Variants in DOK6 observed in about 807,000 individuals in gnomAD.
DOK6 encodes the protein docking protein 6, also known as downstream of tyrosine kinase 6.
Under a neutral mutation model 44.0 loss-of-function variants are expected in DOK6, and 22 were observed. That is an observed-to-expected ratio of 0.50 (90% CI 0.36 to 0.71). The LOEUF is 0.71. Among genes scored for constraint, DOK6 ranks in the 30% least tolerant of loss-of-function variants. The pLI is 0.00. For missense variants in DOK6, 340 were observed against 416.4 expected (o/e 0.82, Z 1.60); for synonymous variants, 166 against 145.5 (o/e 1.14, Z -1.01).
At chr18:69,768,954 C>CGCGTGTGTGTGTGTGTGTGT (rs1491210858) in intron 7 of DOK6, among the ~76,000 whole-genome samples, 4 of 142,590 alleles carry the variant, frequency 2.8e-5, no homozygotes, top group Non-Finnish European at 6.1e-5. Context: ...GAAGGGTGTG[C>CGCGTGTGTGTGTGTGTGTGT]GTGTGTGTGT....
chr18:69,728,066 G>A (rs946383043), intron 5 of DOK6, among the ~76,000 whole-genome samples: 3 of 152,128 alleles, frequency 2.0e-5, no homozygotes, highest in African/African-American at 4.8e-5. Flanking sequence ...GCAGGGATGC[G>A]CTGTCACGCT....
chr18:69,485,277 T>C (rs1980542546), intron 1 of DOK6, among the ~76,000 whole-genome samples: 1 of 152,088 alleles, frequency 6.6e-6, no homozygotes, highest in Non-Finnish European at 1.5e-5. Flanking sequence ...TGCTAGAAAT[T>C]TGTCGTGATT....
intron 4 of DOK6, among the ~76,000 whole-genome samples, chr18:69,681,579 T>C (rs1986046300): frequency 6.6e-6 from 1 of 151,886 alleles, no homozygotes; most frequent in Admixed American, 6.6e-5. Flanking sequence ...CAGAGGAAAA[T>C]GTGTTCTGAT....
intron 5 of DOK6, among the ~76,000 whole-genome samples, chr18:69,718,267 G>GGA (rs796617352): frequency 2.6e-5 from 4 of 152,152 alleles, no homozygotes; most frequent in African/African-American, 9.7e-5. Context: ...CTCTCTCACA[G>GGA]GAGAGAGAGC....
intron 3 of DOK6, among the ~76,000 whole-genome samples, chr18:69,599,837 G>T (rs1361934994): frequency 6.6e-6 from 1 of 152,160 alleles, no homozygotes; most frequent in East Asian, 1.9e-4. Flanking sequence ...ATTTTGTAGG[G>T]CAGGAATCAG....
At chr18:69,420,633 C>T (rs1978464562) in intron 1 of DOK6, among the ~76,000 whole-genome samples, 1 of 151,994 alleles carries the variant, frequency 6.6e-6, no homozygotes, top group African/African-American at 2.4e-5. Flanking sequence ...TAATGCTATC[C>T]CTCATTTTAT....
chr18:69,665,724 C>T (rs1177330251), intron 3 of DOK6, among the ~76,000 whole-genome samples: 1 of 152,026 alleles, frequency 6.6e-6, no homozygotes, highest in Non-Finnish European at 1.5e-5. Context: ...GGCAGTTTAA[C>T]TCTTTAAAAC....
intron 3 of DOK6, among the ~76,000 whole-genome samples, chr18:69,669,770 G>A (rs773597768): frequency 5.9e-5 from 9 of 151,822 alleles, no homozygotes; most frequent in African/African-American, 9.7e-5. Context: ...TTAATAATCC[G>A]GAAATTCCTA....
intron 1 of DOK6, among the ~76,000 whole-genome samples, chr18:69,459,187 T>TG (rs1979718642): frequency 2.2e-4 from 30 of 136,972 alleles, no homozygotes; most frequent in South Asian, 4.9e-4. Flanking sequence ...AAAAAATATT[T>TG]TGTGTGTGTG....
intron 1 of DOK6, among the ~76,000 whole-genome samples, chr18:69,406,435 T>A (rs1256650651): frequency 1.5e-4 from 23 of 152,184 alleles, no homozygotes; most frequent in Admixed American, 1.5e-3. Flanking sequence ...ATACAGACAT[T>A]GTGGCTGGAT....
At chr18:69,739,720 T>C (rs1427668055) in intron 6 of DOK6, among the ~76,000 whole-genome samples, 2 of 152,200 alleles carry the variant, frequency 1.3e-5, no homozygotes. Context: ...ATAAGCTTTA[T>C]TACTAATTTG....
intron 1 of DOK6, among the ~76,000 whole-genome samples, chr18:69,410,515 C>T (rs1018341718): frequency 6.6e-5 from 10 of 152,166 alleles, no homozygotes; most frequent in Non-Finnish European, 1.5e-4. Context: ...CCATTAAATC[C>T]TTTATGTAAC....
At chr18:69,788,974 T>C (rs1568126822) in intron 7 of DOK6, among the ~76,000 whole-genome samples, 1 of 152,196 alleles carries the variant, frequency 6.6e-6, no homozygotes, top group Non-Finnish European at 1.5e-5. Flanking sequence ...TTAACAAGGT[T>C]GGTATTCCCA....
At chr18:69,523,311 G>T (rs1314122567) in intron 1 of DOK6, among the ~76,000 whole-genome samples, 1 of 152,086 alleles carries the variant, frequency 6.6e-6, no homozygotes, top group Admixed American at 6.6e-5. Flanking sequence ...TAAGGAATAA[G>T]AAAAAGTCAT....
chr18:69,577,348 G>T (rs537224866), intron 2 of DOK6, among the ~76,000 whole-genome samples: 6 of 152,108 alleles, frequency 3.9e-5, no homozygotes, highest in Non-Finnish European at 7.4e-5. Flanking sequence ...AGGGCTTGGT[G>T]TCTCTTGAAA....
chr18:69,714,430 A>G (rs937666898), intron 5 of DOK6, among the ~76,000 whole-genome samples: 8 of 152,128 alleles, frequency 5.3e-5, no homozygotes, highest in South Asian at 2.1e-4. Flanking sequence ...CGGTGTTTCT[A>G]TACTTAGATT....
At chr18:69,658,111 C>T (rs1985416172) in intron 3 of DOK6, among the ~76,000 whole-genome samples, 1 of 152,076 alleles carries the variant, frequency 6.6e-6, no homozygotes, top group Non-Finnish European at 1.5e-5. Context: ...CCACGCCCAG[C>T]TGATTTTTTA....
At chr18:69,627,918 TTG>T (rs1984596457) in intron 3 of DOK6, among the ~76,000 whole-genome samples, 2 of 152,134 alleles carry the variant, frequency 1.3e-5, no homozygotes, top group South Asian at 4.1e-4. Flanking sequence ...CAACTTACCT[TTG>T]TGTGTAAAAT....
intron 1 of DOK6, among the ~76,000 whole-genome samples, chr18:69,472,899 ATGT>A (rs1283985735): frequency 1.3e-5 from 2 of 152,180 alleles, no homozygotes; most frequent in African/African-American, 2.4e-5. Flanking sequence ...CATTCATATC[ATGT>A]TGTTGTATGT....
Sources: gnomAD v4.1 joint callset for allele counts (sites outside exome capture counted in the v4.1 genomes callset) on GRCh38, gnomAD v4.1.1 for gene constraint, MANE v1.5 for transcripts, NCBI Gene and HGNC (gene_info 2026-07-23, HGNC 2026-07-21) for gene names.